The following ERBB4 variants were observed in gnomAD, a reference collection of about 807,000 sequenced individuals.
The protein encoded by ERBB4 is receptor tyrosine-protein kinase erbB-4.
Under a neutral mutation model 158.0 loss-of-function variants are expected in ERBB4, and 42 were observed. The observed-to-expected ratio is 0.27, with a 90% confidence interval of 0.21 to 0.34. The LOEUF (loss-of-function observed/expected upper bound fraction) is 0.34. Ranked by LOEUF, ERBB4 falls within the 10% of genes least tolerant of loss-of-function variation. The probability of loss-of-function intolerance (pLI) is 1.00; values close to 1 mark genes in which losing one functional copy is unlikely to be tolerated. For missense variants in ERBB4, 1,333 were observed against 1,624.1 expected (o/e 0.82, Z 3.08); for synonymous variants, 583 against 558.7 (o/e 1.04, Z -0.61).
chr2:211,515,474 G>A (rs1030297960), intron 20 of ERBB4, among the ~76,000 whole-genome samples: 4 of 152,034 alleles, frequency 2.6e-5, no homozygotes, highest in Non-Finnish European at 5.9e-5. Context: ...AAGTCTGGAT[G>A]GACAGGGGTA....
chr2:212,285,268 G>A (rs1247283947), intron 1 of ERBB4, among the ~76,000 whole-genome samples: 3 of 151,984 alleles, frequency 2.0e-5, no homozygotes, highest in Admixed American at 6.6e-5. Flanking sequence ...ATTTCCTCCT[G>A]GTAATTAACT....
At position 211,646,735 on chromosome 2, in the gene ERBB4, G is replaced by A. The variant is rs1033058773; in HGVS notation, c.1946+11019C>T. Among the ~76,000 whole-genome samples the A allele has an allele frequency of 6.3e-4, 96 of 151,640 alleles. 1 individual carries two copies. The highest frequency in any genetic ancestry group is 2.3e-3 in the African/African-American group (94 of 41,494). On this transcript the variant is annotated intron_variant, in intron 16 of 27. Coordinates refer to ENST00000342788, the MANE Select transcript of ERBB4 (RefSeq NM_005235.3). ...TGTTAATGTCTCAGAACACATACAGGATGCTGTTAGATTCTGATTATGTAT... is the reference window on the plus strand; with the variant it reads ...TGTTAATGTCTCAGAACACATACAGAATGCTGTTAGATTCTGATTATGTAT...
chr2:212,248,907 A>G (rs1357926099), intron 1 of ERBB4, among the ~76,000 whole-genome samples: 5 of 152,046 alleles, frequency 3.3e-5, no homozygotes, highest in Non-Finnish European at 5.9e-5. Flanking sequence ...TATTAAATAC[A>G]TTTCTATTTT....
rs1243216213 is a variant in ERBB4 at position 211,389,193 on chromosome 2, G to A, written c.3136-1201C>T. On this transcript the variant is annotated intron_variant, in intron 25 of 27. Transcript: ENST00000342788. ...TGGGACTACAGGCACCTGCCACCAC[G>A]CCTGGATAATTTTTTGTATTTTTAG... 3.9e-5 allele frequency among the ~76,000 whole-genome samples: 6 copies of A among 152,106 alleles called. No individual in the cohort carries two copies. In the South Asian group the frequency reaches 1.2e-3, roughly 32 times the overall value.
At chr2:211,588,562 T>G in intron 19 of ERBB4, among the ~76,000 whole-genome samples, 1 of 152,196 alleles carries the variant, frequency 6.6e-6, no homozygotes, top group East Asian at 1.9e-4. Context: ...TTTTATATTT[T>G]GACTCATCTA....
intron 1 of ERBB4, among the ~76,000 whole-genome samples, chr2:212,209,635 C>T (rs113483011): frequency 2.0e-5 from 3 of 151,994 alleles, no homozygotes; most frequent in African/African-American, 7.2e-5. Flanking sequence ...TATGCTGAAG[C>T]CCAAACCCTT....
At chr2:211,688,090 T>C (rs369647543) in intron 12 of ERBB4, among the ~76,000 whole-genome samples, 2 of 152,190 alleles carry the variant, frequency 1.3e-5, no homozygotes, top group Non-Finnish European at 2.9e-5. Flanking sequence ...CCACATTACA[T>C]TGTTACTATT....
chr2:211,620,875 G>T (rs1559354908), intron 18 of ERBB4, among the ~76,000 whole-genome samples: 1 of 152,282 alleles, frequency 6.6e-6, no homozygotes, highest in Non-Finnish European at 1.5e-5. Flanking sequence ...GGAGACTGAG[G>T]CAGGAGGGTC....
chr2:212,401,055 G>A (rs186741277), intron 1 of ERBB4, among the ~76,000 whole-genome samples: 14 of 152,204 alleles, frequency 9.2e-5, no homozygotes, highest in Admixed American at 7.2e-4. Flanking sequence ...TTTAAGTTAG[G>A]TATAAAAGAG....
At chr2:211,781,838 C>T (rs2076045068) in intron 4 of ERBB4, among the ~76,000 whole-genome samples, 1 of 152,086 alleles carries the variant, frequency 6.6e-6, no homozygotes, top group Admixed American at 6.5e-5. Flanking sequence ...GGCAGGAGCA[C>T]AGACAATTAC....
intron 19 of ERBB4, among the ~76,000 whole-genome samples, chr2:211,601,208 C>T (rs529442914): frequency 1.3e-5 from 2 of 151,706 alleles, no homozygotes; most frequent in Non-Finnish European, 2.9e-5. Flanking sequence ...TTATCATATA[C>T]AATAACTGCG....
chr2:212,342,534 G>T (rs930072292), intron 1 of ERBB4, among the ~76,000 whole-genome samples: 4 of 152,084 alleles, frequency 2.6e-5, no homozygotes, highest in African/African-American at 4.8e-5. Flanking sequence ...CCAGTCTTGG[G>T]TATTCCTTCA....
intron 1 of ERBB4, among the ~76,000 whole-genome samples, chr2:212,288,495 G>A (rs1300031171): frequency 2.0e-5 from 3 of 152,108 alleles, no homozygotes; most frequent in African/African-American, 7.2e-5. Flanking sequence ...CACTGGGGTG[G>A]AGCCTCAGGA....
chr2:211,995,475 G>C (rs1248513542), intron 2 of ERBB4, among the ~76,000 whole-genome samples: 3 of 152,144 alleles, frequency 2.0e-5, no homozygotes, highest in South Asian at 2.1e-4. Context: ...TGTCTATGCT[G>C]ACCAGGCTGG....
intron 20 of ERBB4, among the ~76,000 whole-genome samples, chr2:211,524,423 C>CGGGGGGGG: frequency 6.7e-6 from 1 of 149,076 alleles, no homozygotes; most frequent in African/African-American, 2.6e-5. Context: ...TGCCGTGGAG[C>CGGGGGGGG]AGGGGGTGGT....
chr2:211,720,318 A>C (rs879356199), intron 7 of ERBB4, among the ~76,000 whole-genome samples: 3 of 152,178 alleles, frequency 2.0e-5, no homozygotes, highest in Non-Finnish European at 2.9e-5. Flanking sequence ...GGGCTGTCTA[A>C]TGAACTGTGG....
At chr2:211,673,863 C>T (rs1485819390) in intron 13 of ERBB4, among the ~76,000 whole-genome samples, 1 of 62,380 alleles carries the variant, frequency 1.6e-5, no homozygotes, top group Non-Finnish European at 4.9e-5. Flanking sequence ...TCTAATATCA[C>T]AACATCTTTT....
intron 25 of ERBB4, among the ~76,000 whole-genome samples, chr2:211,392,601 C>CACAA (rs1559122671): frequency 7.5e-6 from 1 of 134,120 alleles, no homozygotes; most frequent in South Asian, 2.4e-4. Flanking sequence ...CACACACACA[C>CACAA]CCCAATAATG....
intron 2 of ERBB4, among the ~76,000 whole-genome samples, chr2:212,027,884 AC>A (rs1332883239): frequency 1.3e-5 from 2 of 152,032 alleles, no homozygotes; most frequent in African/African-American, 4.8e-5. Context: ...TTGAGCAAAA[AC>A]TTCCATAACT....
Sources: allele counts gnomAD v4.1 joint callset (sites outside exome capture counted in the v4.1 genomes callset), GRCh38; gene constraint gnomAD v4.1.1; transcripts MANE v1.5; gene names NCBI Gene and HGNC (gene_info 2026-07-23, HGNC 2026-07-21).